The following TENM3 variants were observed in gnomAD, a reference collection of about 807,000 sequenced individuals.
The protein encoded by TENM3 is teneurin-3.
Under a neutral mutation model 255.1 loss-of-function variants are expected in TENM3, and 63 were observed. The observed-to-expected ratio is 0.25, with a 90% CI of 0.20 to 0.30. The LOEUF (loss-of-function observed/expected upper bound fraction) is 0.30, where lower values mean the gene tolerates loss of function less well. Among genes scored for constraint, TENM3 ranks in the 10% least tolerant of loss-of-function variants. TENM3 has a pLI of 1.00. For synonymous variants in TENM3, 1,306 were observed against 1,322.3 expected (o/e 0.99, Z 0.27); for missense variants, 2,929 against 3,461.1 (o/e 0.85, Z 3.86).
intron 18 of TENM3, among the ~76,000 whole-genome samples, chr4:182,742,356 C>G (rs1390041369): frequency 2.0e-5 from 3 of 152,200 alleles, no homozygotes; most frequent in Admixed American, 2.0e-4. Flanking sequence ...ACTTCCATGC[C>G]TTAAAGCAGA....
At chr4:182,706,077 G>A (rs1157246738) in intron 12 of TENM3, among the ~76,000 whole-genome samples, 1 of 152,144 alleles carries the variant, frequency 6.6e-6, no homozygotes, top group African/African-American at 2.4e-5. Flanking sequence ...ACGTTGTTTA[G>A]TCTGATTTTT....
intron 19 of TENM3, among the ~76,000 whole-genome samples, chr4:182,745,480 G>A (rs1412026698): frequency 6.6e-6 from 1 of 152,140 alleles, no homozygotes; most frequent in Non-Finnish European, 1.5e-5. Flanking sequence ...AACTATCAAA[G>A]CAGCTACCTT....
chr4:182,122,628 G>A, the TENM3 span, among the ~76,000 whole-genome samples: 2 of 152,144 alleles, frequency 1.3e-5, no homozygotes, highest in Non-Finnish European at 2.9e-5. Context: ...CAGATGTGCT[G>A]TCATCCAGGT....
At chr4:181,717,761 G>A in the TENM3 span, among the ~76,000 whole-genome samples, 1 of 152,148 alleles carries the variant, frequency 6.6e-6, no homozygotes, top group Non-Finnish European at 1.5e-5. Context: ...TCTAGAATGT[G>A]TATCTATTCC....
chr4:181,864,297 C>T, the TENM3 span, among the ~76,000 whole-genome samples: 3 of 152,048 alleles, frequency 2.0e-5, no homozygotes, highest in South Asian at 2.1e-4. Context: ...ATATACTTTG[C>T]ATTTGAGGGA....
chr4:181,886,048 G>GTTTTTTTTTTT, the TENM3 span, among the ~76,000 whole-genome samples: 2 of 102,540 alleles, frequency 2.0e-5, no homozygotes, highest in African/African-American at 3.5e-5. Context: ...TTTTTCTTGG[G>GTTTTTTTTTTT]TTTTTTTTTT....
At chr4:181,523,254 T>C in the TENM3 span, among the ~76,000 whole-genome samples, 2 of 152,126 alleles carry the variant, frequency 1.3e-5, no homozygotes, top group South Asian at 4.1e-4. Context: ...GACTGCATAG[T>C]TAAAATTATT....
At chr4:181,748,629 G>A in the TENM3 span, among the ~76,000 whole-genome samples, 4 of 152,188 alleles carry the variant, frequency 2.6e-5, no homozygotes, top group East Asian at 1.9e-4. Context: ...AGAGGTAGAT[G>A]TTCCTGAAAT....
chr4:182,339,550 T>C (rs192168958), intron 2 of TENM3, among the ~76,000 whole-genome samples: 34 of 152,274 alleles, frequency 2.2e-4, no homozygotes, highest in Non-Finnish European at 4.4e-4. Context: ...TAGATAGATG[T>C]AGCTTACAGC....
chr4:182,275,974 A>AT (rs1255163750), intron 1 of TENM3, among the ~76,000 whole-genome samples: 1 of 152,096 alleles, frequency 6.6e-6, no homozygotes, highest in African/African-American at 2.4e-5. Flanking sequence ...ATCAAAAAAA[A>AT]TTTTTTTAAG....
chr4:182,075,667 C>A, the TENM3 span, among the ~76,000 whole-genome samples: 4 of 152,116 alleles, frequency 2.6e-5, no homozygotes. Flanking sequence ...TCAAAACATG[C>A]GTTCCTTTTC....
chr4:182,650,725 A>T lies in TENM3; in HGVS notation c.989-3046A>T, dbSNP rs1372202886. Among the ~76,000 whole-genome samples the T allele has an allele frequency of 3.5e-5, 5 of 142,550 alleles. 1 individual carries two copies. Among genetic ancestry groups the T allele is most frequent in the Non-Finnish European group, 7.9e-5 (5 of 62,960 alleles). The allele number at this position is 142,550 out of a possible 152,430, so 93.5% of individuals were successfully genotyped here. A position where few individuals can be genotyped will look rare whatever the true frequency, so the allele number is the denominator to read the frequency against. On this transcript the variant is annotated intron_variant, in intron 5 of 27. Coordinates refer to ENST00000511685, the MANE Select transcript of TENM3 (RefSeq NM_001080477.4). ...TCAAGGGCATCACTAAATACGAAAC[A>T]CCAACAATTTCAAAGTAGATAATAT...
chr4:181,922,854 T>A, the TENM3 span, among the ~76,000 whole-genome samples: 1 of 152,082 alleles, frequency 6.6e-6, no homozygotes, highest in Non-Finnish European at 1.5e-5. Context: ...TCTTTCCTGC[T>A]TTCTCTTGTG....
chr4:181,872,133 G>C, the TENM3 span, among the ~76,000 whole-genome samples: 33,203 of 151,408 alleles, frequency 0.22, 4,076 homozygotes, highest in East Asian at 0.56. Context: ...AATTTGTGTA[G>C]ATTTATATGT....
chr4:181,741,735 C>G, the TENM3 span, among the ~76,000 whole-genome samples: 1 of 152,130 alleles, frequency 6.6e-6, no homozygotes, highest in African/African-American at 2.4e-5. Context: ...CGAGGGCCAC[C>G]CTGTCACGGG....
At chr4:182,650,702 A>G (rs1753175686) in intron 5 of TENM3, among the ~76,000 whole-genome samples, 1 of 149,114 alleles carries the variant, frequency 6.7e-6, no homozygotes, top group Non-Finnish European at 1.5e-5. Context: ...AATGAGAGTC[A>G]AGGGCATCAC....
At chr4:181,869,550 T>A in the TENM3 span, among the ~76,000 whole-genome samples, 29 of 152,244 alleles carry the variant, frequency 1.9e-4, no homozygotes, top group African/African-American at 6.3e-4. Flanking sequence ...TACACCCTTC[T>A]CCATGATATT....
At chr4:182,477,897 A>C (rs192688946) in intron 3 of TENM3, among the ~76,000 whole-genome samples, 2 of 152,328 alleles carry the variant, frequency 1.3e-5, no homozygotes, top group East Asian at 3.9e-4. Context: ...AAAATTATGC[A>C]GATGCTCTGG....
chr4:182,253,580 A>C (rs148448498), intron 1 of TENM3, among the ~76,000 whole-genome samples: 75 of 152,356 alleles, frequency 4.9e-4, no homozygotes, highest in African/African-American at 1.7e-3. Flanking sequence ...CATACTTCAG[A>C]TATCTTAGAT....
Sources: gnomAD v4.1 joint callset for allele counts (sites outside exome capture counted in the v4.1 genomes callset) on GRCh38, gnomAD v4.1.1 for gene constraint, MANE v1.5 for transcripts, NCBI Gene and HGNC (gene_info 2026-07-23, HGNC 2026-07-21) for gene names.